VNN1: variants seen among roughly 807,000 people sequenced by gnomAD.
The protein encoded by VNN1 is vanin 1.
VNN1 carries 29 observed loss-of-function variants against 41.9 expected under a neutral mutation model. That is an observed-to-expected ratio of 0.69 (90% CI 0.52 to 0.94). The LOEUF is 0.94. Ranked by LOEUF, VNN1 falls within the 40% of genes least tolerant of loss-of-function variation. The pLI is 0.00. For missense variants in VNN1, 637 were observed against 621.1 expected, an observed-to-expected ratio of 1.03 and a Z score of -0.27; for synonymous variants, 233 against 224.4, an observed-to-expected ratio of 1.04 and a Z score of -0.34.
rs761545365 is a variant in VNN1 at position 132,694,126 on chromosome 6, A to T, written c.398T>A (p.Ile133Asn). ...RLSCLAKNNS[I>N]YVVANIGDKK... ...GTCCCCAATATTTGCCACAACATAGATAGAGTTGTTCTTGGCCAGGCAGCT... is the reference window on the plus strand; with the variant it reads ...GTCCCCAATATTTGCCACAACATAGTTAGAGTTGTTCTTGGCCAGGCAGCT... Residue 133 changes from isoleucine to asparagine, a missense_variant, in exon 3 of 7, where the codon ATC becomes AAC. By Grantham distance (149) the Ile-to-Asn change is moderately radical. Transcript: ENST00000367928. The T allele has an allele frequency of 6.2e-7, 1 of 1,613,954 alleles. No homozygotes were observed. Among genetic ancestry groups the T allele is most frequent in the Non-Finnish European group, 8.5e-7 (1 of 1,180,002 alleles).
intron 5 of VNN1, among the ~76,000 whole-genome samples, chr6:132,687,016 A>T (rs1778218276): frequency 6.6e-6 from 1 of 152,200 alleles, no homozygotes; most frequent in South Asian, 2.1e-4. Context: ...GTAGTAAAAA[A>T]TAGCAGAGAA....
At chr6:132,711,110 C>T (rs191093761) in intron 2 of VNN1, among the ~76,000 whole-genome samples, 135 of 152,288 alleles carry the variant, frequency 8.9e-4, no homozygotes, top group Non-Finnish European at 1.4e-3. Flanking sequence ...AAGAGGAATT[C>T]CTAAAATAAT....
Position 132,683,272 on chromosome 6 carries a change from G to C in VNN1, c.1410C>G (p.Val470=). Residue 470 remains valine (V), a synonymous_variant, in exon 7 of 7, where the codon GTC becomes GTG. Coordinates refer to ENST00000367928, the MANE Select transcript of VNN1 (RefSeq NM_004666.3). ...ACCTCCCAAACAGAGTTACTGTTAA[G>C]ACAGGTCCGGATGTTGGCTTCAGAC... The part of the protein sequence containing the change: ...LFSLKPTSGP[V]LTVTLFGRLY... The C allele has an allele frequency of 6.2e-7, 1 of 1,614,048 alleles. No homozygotes were observed. The highest frequency in any genetic ancestry group is 1.1e-5 in the South Asian group (1 of 91,080).
chr6:132,685,330 T>TCATCTC (rs1778190461), intron 5 of VNN1, among the ~76,000 whole-genome samples: 1 of 152,254 alleles, frequency 6.6e-6, no homozygotes, highest in Non-Finnish European at 1.5e-5. Context: ...CAAGTCACCT[T>TCATCTC]CATCTCTTGC....
At chr6:132,686,298 A>G (rs1778206635) in intron 5 of VNN1, among the ~76,000 whole-genome samples, 2 of 152,150 alleles carry the variant, frequency 1.3e-5, no homozygotes, top group East Asian at 3.9e-4. Context: ...AATATAAAAA[A>G]TTAGCTGGGA....
intron 2 of VNN1, among the ~76,000 whole-genome samples, chr6:132,710,335 T>TCAC (rs1778581379): frequency 6.6e-6 from 1 of 152,138 alleles, no homozygotes; most frequent in Non-Finnish European, 1.5e-5. Context: ...CAGGCATGAG[T>TCAC]CACCACACCC....
intron 2 of VNN1, among the ~76,000 whole-genome samples, chr6:132,705,492 T>C (rs1055982775): frequency 3.9e-5 from 6 of 152,142 alleles, no homozygotes; most frequent in African/African-American, 1.4e-4. Flanking sequence ...ATAAAAACCC[T>C]CAATGACTGG....
intron 5 of VNN1, among the ~76,000 whole-genome samples, chr6:132,688,313 T>C (rs565286953): frequency 1.1e-4 from 17 of 152,340 alleles, no homozygotes; most frequent in Non-Finnish European, 1.5e-4. Flanking sequence ...TTCTGGGTAT[T>C]TTCCCAGACT....
At chr6:132,686,146 T>TA (rs904826156) in intron 5 of VNN1, among the ~76,000 whole-genome samples, 5 of 152,078 alleles carry the variant, frequency 3.3e-5, no homozygotes, top group African/African-American at 4.8e-5. Flanking sequence ...TTACACTTTT[T>TA]AAAAAAAATG....
rs34315074 is a variant in VNN1 at position 132,683,081 on chromosome 6, C to CT, written c.*58dup. The CT allele has an allele frequency of 6.7e-7, 1 of 1,497,434 alleles. No homozygotes were observed. Among genetic ancestry groups the CT allele is most frequent in the Admixed American group, 2.2e-5 (1 of 46,338 alleles). The allele number at this position is 1,497,434 out of a possible 1,614,324, so 92.8% of individuals were successfully genotyped here. On this transcript the variant is annotated 3_prime_UTR_variant, in exon 7 of 7. Coordinates refer to ENST00000367928, the MANE Select transcript of VNN1 (RefSeq NM_004666.3). ...ATAATATTAACCCGGACCAATCTTT[C>CT]TTTTCTCATCCATCATTTTTTAAAT...
intron 5 of VNN1, among the ~76,000 whole-genome samples, chr6:132,684,774 G>A (rs1393558639): frequency 1.3e-5 from 2 of 151,080 alleles, no homozygotes; most frequent in African/African-American, 2.4e-5. Flanking sequence ...CTAGAAAAAT[G>A]CCTATGCCAC....
chr6:132,703,271 G>A (rs1289790904), intron 2 of VNN1, among the ~76,000 whole-genome samples: 1 of 152,178 alleles, frequency 6.6e-6, no homozygotes, highest in Non-Finnish European at 1.5e-5. Context: ...TTATAACTCT[G>A]TAATTGTGGT....
chr6:132,703,776 GA>G (rs924803824), intron 2 of VNN1, among the ~76,000 whole-genome samples: 4 of 151,504 alleles, frequency 2.6e-5, no homozygotes, highest in South Asian at 2.1e-4. Flanking sequence ...GGATAAAAAA[GA>G]AAAAAAATCA....
At chr6:132,687,722 G>T (rs908717639) in intron 5 of VNN1, among the ~76,000 whole-genome samples, 8 of 152,062 alleles carry the variant, frequency 5.3e-5, no homozygotes, top group African/African-American at 1.9e-4. Flanking sequence ...TGCAGAGAAA[G>T]GTTATTATTT....
At chr6:132,703,452 C>T (rs1258888329) in intron 2 of VNN1, among the ~76,000 whole-genome samples, 1 of 152,012 alleles carries the variant, frequency 6.6e-6, no homozygotes, top group Admixed American at 6.6e-5. Context: ...TTTCTCTTTG[C>T]TTGTTAGTTT....
At position 132,685,021 on chromosome 6, in the gene VNN1, T is replaced by G. The variant is rs147708425; in HGVS notation, c.1189-516A>C. Among the ~76,000 whole-genome samples the G allele has an allele frequency of 1.1e-3, 166 of 152,356 alleles. 2 individuals are homozygous for G. Among genetic ancestry groups the G allele is most frequent in the African/African-American group, 3.8e-3 (158 of 41,590 alleles). Reference sequence around the variant, plus strand: ...TAATTATCAAGAATTTAAAATGTGTTTAAAGGTTTAATTTAGGCACCTGTG... The same window carrying G: ...TAATTATCAAGAATTTAAAATGTGTGTAAAGGTTTAATTTAGGCACCTGTG... On this transcript the variant is annotated intron_variant, in intron 5 of 6. Coordinates refer to ENST00000367928, the MANE Select transcript of VNN1 (RefSeq NM_004666.3).
chr6:132,686,593 A>C (rs777349542), intron 5 of VNN1, among the ~76,000 whole-genome samples: 1 of 152,192 alleles, frequency 6.6e-6, no homozygotes, highest in Non-Finnish European at 1.5e-5. Context: ...CTCCAAAGAC[A>C]CTTACCTCCG....
intron 2 of VNN1, among the ~76,000 whole-genome samples, chr6:132,707,640 T>C (rs929797850): frequency 2.0e-5 from 3 of 152,224 alleles, no homozygotes; most frequent in Non-Finnish European, 4.4e-5. Context: ...CATTAGGTTA[T>C]GTGAAATAAC....
At chr6:132,696,058 C>T (rs561527351) in intron 2 of VNN1, among the ~76,000 whole-genome samples, 2 of 152,124 alleles carry the variant, frequency 1.3e-5, no homozygotes, top group Admixed American at 1.3e-4. Context: ...GACTTTAAAA[C>T]AATGGTTTTA....
Sources: gnomAD v4.1 joint callset for allele counts (sites outside exome capture counted in the v4.1 genomes callset) on GRCh38, gnomAD v4.1.1 for gene constraint, MANE v1.5 for transcripts, NCBI Gene and HGNC (gene_info 2026-07-23, HGNC 2026-07-21) for gene names.